The following SPATS2 variants were observed in gnomAD, a reference collection of about 807,000 sequenced individuals.
The protein encoded by SPATS2 is spermatogenesis associated serine rich 2.
SPATS2 carries 38 observed loss-of-function variants against 63.7 expected under a neutral mutation model. The ratio of observed to expected loss-of-function variants is 0.60; its 90% CI spans 0.46 to 0.78. The LOEUF (loss-of-function observed/expected upper bound fraction) is 0.78, where lower values mean the gene tolerates loss of function less well. SPATS2 is among the 30% of genes least tolerant of loss of function. The probability of loss-of-function intolerance (pLI) is 0.00; values close to 1 mark genes in which losing one functional copy is unlikely to be tolerated. For missense variants in SPATS2, 588 were observed against 666.2 expected (o/e 0.88, Z 1.29); for synonymous variants, 207 against 232.9 (o/e 0.89, Z 1.01).
At chr12:49,483,861 C>T (rs1295182538) in intron 3 of SPATS2, among the ~76,000 whole-genome samples, 2 of 152,146 alleles carry the variant, frequency 1.3e-5, no homozygotes, top group Non-Finnish European at 2.9e-5. Flanking sequence ...GGTAAGTATG[C>T]ACATCAGAAT....
rs12305194 is a variant in SPATS2, at chr12:49,474,056, T to C, written c.26-10534T>C. Among the ~76,000 whole-genome samples the C allele has an allele frequency of 3.2e-3, 481 of 152,322 alleles. 5 individuals carry two copies. The highest frequency in any genetic ancestry group is 0.011 in the African/African-American group (447 of 41,564). On this transcript the variant is annotated intron_variant, in intron 3 of 13. Transcript: ENST00000552918. The stretch of plus-strand genomic sequence containing the variant: ...TCACCTGGGTAGTAGTACTTGGGTA[T>C]TTGCTTTGTGATAAATTATCAGACC...
chr12:49,379,570 A>G (rs1435929146), intron 2 of SPATS2, among the ~76,000 whole-genome samples: 2 of 148,080 alleles, frequency 1.4e-5, no homozygotes, highest in African/African-American at 2.5e-5. Flanking sequence ...AAAAAAAAAG[A>G]AAACAAAAAT....
Position 49,494,985 on chromosome 12 carries a change from A to T in SPATS2, c.509A>T (p.Asp170Val). ...ELEDPESAML[D>V]TLDRTGSMLQ... The stretch of plus-strand genomic sequence containing the variant: ...GAGGATCCCGAGTCTGCCATGCTAG[A>T]TACGCTGGATAGAACAGGTGAGTTT... Residue 170 changes from aspartate to valine, a missense_variant, in exon 7 of 14, where the codon GAT (aspartate) becomes GTT (valine). Transcript: ENST00000552918. The T allele has an allele frequency of 1.2e-6, 2 of 1,610,696 alleles. No homozygotes were observed. The highest frequency in any genetic ancestry group is 1.7e-6 in the Non-Finnish European group (2 of 1,178,430).
Position 49,524,853 on chromosome 12 carries a change from C to T in SPATS2, c.1283C>T (p.Ala428Val). Residue 428 changes from alanine (A) to valine (V), a missense_variant, in exon 13 of 14, where the codon GCC becomes GTC. By Grantham distance (64) the Ala-to-Val change is moderately conservative. Transcript: ENST00000552918. ...TTTGCACCGGGAGAGACTCCTGCAG[C>T]CATAGCAAACTCCAGTGGCCAGCCC... The part of the protein sequence containing the change: ...KNFAPGETPA[A>V]IANSSGQPYQ... 1 of 1,612,768 alleles carries T rather than the reference C, an allele frequency of 6.2e-7. No individual in the cohort carries two copies.
chr12:49,523,002 G>GCTTAT, intron 12 of SPATS2, 149 bp downstream of exon 12: 4 of 625,310 alleles, frequency 6.4e-6, no homozygotes, highest in Non-Finnish European at 2.7e-6. Flanking sequence ...TGAAGTCCAT[G>GCTTAT]GGTGCAGATA....
chr12:49,447,538 G>T (rs895388194), intron 2 of SPATS2, among the ~76,000 whole-genome samples: 4 of 152,066 alleles, frequency 2.6e-5, no homozygotes, highest in Non-Finnish European at 5.9e-5. Flanking sequence ...TGCCCGGCCT[G>T]TTCTTCTATT....
At chr12:49,510,262 TAAAA>T (rs766265197) in intron 9 of SPATS2, among the ~76,000 whole-genome samples, 2 of 127,094 alleles carry the variant, frequency 1.6e-5, no homozygotes, top group Non-Finnish European at 3.3e-5. Flanking sequence ...GACCCTGTCT[TAAAA>T]AAAAAAAAAA....
intron 1 of SPATS2, 44 bp from the exon 2 acceptor site, chr12:49,371,184 A>G (rs757957280): frequency 6.6e-6 from 1 of 152,184 alleles, no homozygotes; most frequent in Non-Finnish European, 1.5e-5. Context: ...CTGAAGCTCT[A>G]TATCTATTAA....
In SPATS2 at chr12:49,514,432, A is replaced by C. The variant is rs1202273108; in HGVS notation, c.840-123A>C. 6 of 784,398 alleles carry C rather than the reference A, an allele frequency of 7.6e-6. No individual in the cohort carries two copies. The African/African-American group carries it at 1.0e-4, about 14-fold the overall frequency. 48.6% of individuals were successfully genotyped at this position (784,398 alleles called of 1,614,324 possible). A position where few individuals can be genotyped will look rare whatever the true frequency, so the allele number is the denominator to read the frequency against. ...TCAGAATTTGTATGTGATCCATACA[A>C]TATTATTTTTTAGTATGCTTTTAGC... On this transcript the variant is annotated intron_variant, in intron 9 of 13. Transcript: ENST00000552918.
At chr12:49,396,277 A>G (rs1944509822) in intron 2 of SPATS2, among the ~76,000 whole-genome samples, 1 of 152,210 alleles carries the variant, frequency 6.6e-6, no homozygotes, top group Non-Finnish European at 1.5e-5. Flanking sequence ...TTAGTGGATC[A>G]TGTCATATGT....
intron 3 of SPATS2, among the ~76,000 whole-genome samples, chr12:49,483,283 C>T (rs1231199187): frequency 6.6e-6 from 1 of 151,648 alleles, no homozygotes; most frequent in Non-Finnish European, 1.5e-5. Flanking sequence ...ATTCCCACTG[C>T]TCATTAATAC....
At chr12:49,421,526 A>T (rs1944984381) in intron 2 of SPATS2, among the ~76,000 whole-genome samples, 1 of 152,140 alleles carries the variant, frequency 6.6e-6, no homozygotes, top group African/African-American at 2.4e-5. Context: ...ATCCCACAGA[A>T]TCAGATAACT....
At chr12:49,423,307 GT>G (rs2137431955) in intron 2 of SPATS2, among the ~76,000 whole-genome samples, 1 of 152,018 alleles carries the variant, frequency 6.6e-6, no homozygotes, top group African/African-American at 2.4e-5. Flanking sequence ...AATTTTTGTA[GT>G]TTTAGTAGAG....
At chr12:49,475,993 G>T (rs1336520327) in intron 3 of SPATS2, among the ~76,000 whole-genome samples, 2 of 152,084 alleles carry the variant, frequency 1.3e-5, no homozygotes, top group Non-Finnish European at 2.9e-5. Flanking sequence ...GATATGGAAG[G>T]GTGGAAGGGC....
At chr12:49,406,292 T>C (rs1291264616) in intron 2 of SPATS2, among the ~76,000 whole-genome samples, 2 of 151,912 alleles carry the variant, frequency 1.3e-5, no homozygotes, top group Non-Finnish European at 2.9e-5. Context: ...AACTTTTTTT[T>C]TTTTTTTAAA....
intron 10 of SPATS2, among the ~76,000 whole-genome samples, chr12:49,516,052 ATCAC>A: frequency 6.8e-6 from 1 of 146,796 alleles, no homozygotes; most frequent in Non-Finnish European, 1.5e-5. Flanking sequence ...AGGCAGGAGA[ATCAC>A]TTGAACCCAG....
intron 2 of SPATS2, among the ~76,000 whole-genome samples, chr12:49,441,164 CTT>C (rs935008809): frequency 2.6e-5 from 4 of 152,142 alleles, no homozygotes; most frequent in Non-Finnish European, 2.9e-5. Flanking sequence ...TACAGTGTAT[CTT>C]ATACCTTTCT....
rs186222367 is a variant in SPATS2 at position 49,437,003 on chromosome 12, G to A, written c.-243-23767G>A. Among the ~76,000 whole-genome samples, 71 of 151,454 alleles carry A rather than the reference G, an allele frequency of 4.7e-4. No homozygotes were observed. The South Asian group carries it at 0.012, about 26-fold the overall frequency. On this transcript the variant is annotated intron_variant, in intron 2 of 13. Transcript: ENST00000552918. ...TCCGGACTGGGGCGGCTGGCCGGGCGGGGGGCTGACCCCCACCTCCCTCCC... is the reference window on the plus strand; with the variant it reads ...TCCGGACTGGGGCGGCTGGCCGGGCAGGGGGCTGACCCCCACCTCCCTCCC...
chr12:49,466,627 T>C (rs1188260106), intron 3 of SPATS2, among the ~76,000 whole-genome samples: 1 of 152,236 alleles, frequency 6.6e-6, no homozygotes, highest in Non-Finnish European at 1.5e-5. Flanking sequence ...GATTTATTTC[T>C]GGACTCTGTT....
Sources: allele counts gnomAD v4.1 joint callset (sites outside exome capture counted in the v4.1 genomes callset), GRCh38; gene constraint gnomAD v4.1.1; transcripts MANE v1.5; gene names NCBI Gene and HGNC (gene_info 2026-07-23, HGNC 2026-07-21).